Variants in LRP3 observed in about 807,000 individuals in gnomAD.
LRP3 encodes the protein LDL receptor related protein 3.
Under a neutral mutation model 58.5 loss-of-function variants are expected in LRP3, and 49 were observed. That is an observed-to-expected ratio of 0.84 (90% CI 0.67 to 1.06). The LOEUF is 1.06. LRP3 is among the 50% of genes least tolerant of loss of function. The pLI, the probability that LRP3 is intolerant of heterozygous loss-of-function variation, is 0.00. For missense variants in LRP3, 1,019 were observed against 1,134.2 expected (o/e 0.90, Z 1.46); for synonymous variants, 485 against 492.2 (o/e 0.99, Z 0.20).
chr19:33,197,596 C>T (rs1974298826), intron 2 of LRP3, among the ~76,000 whole-genome samples: 1 of 152,190 alleles, frequency 6.6e-6, no homozygotes, highest in Non-Finnish European at 1.5e-5. Context: ...CACCGTGCTC[C>T]AGCCTGGGTG....
Position 33,194,488 on chromosome 19 carries a change from G to A in LRP3, c.-298G>A, listed in dbSNP as rs1974262778. On this transcript the variant is annotated 5_prime_UTR_variant, in exon 1 of 7. Coordinates refer to ENST00000253193, the MANE Select transcript of LRP3 (RefSeq NM_002333.4). Reference sequence around the variant, plus strand: ...GGCCGGCCGCGGCGGGGCTCCCGGGGCGCGGGGGCAGCGGCGGGCGGGGGT... The same window carrying A: ...GGCCGGCCGCGGCGGGGCTCCCGGGACGCGGGGGCAGCGGCGGGCGGGGGT... 6.9e-6 allele frequency: 1 copy of A among 144,650 alleles called. No individual in the cohort carries two copies. The highest frequency in any genetic ancestry group is 2.5e-5 in the African/African-American group (1 of 40,436). 9.0% of individuals were successfully genotyped at this position (144,650 alleles called of 1,614,324 possible).
At position 33,194,784 on chromosome 19, in the gene LRP3, G is replaced by A; in HGVS notation, c.-2G>A. On this transcript the variant is annotated 5_prime_UTR_variant, in exon 1 of 7. Coordinates refer to ENST00000253193, the MANE Select transcript of LRP3 (RefSeq NM_002333.4). ...CGGCGCCCGCGGGCGGCCGGGCCCGGCATGGAGAAGCGCGCGGCCGCGGGG... is the reference window on the plus strand; with the variant it reads ...CGGCGCCCGCGGGCGGCCGGGCCCGACATGGAGAAGCGCGCGGCCGCGGGG... The A allele has an allele frequency of 9.9e-7, 1 of 1,013,712 alleles. No individual in the cohort carries two copies. The highest frequency in any genetic ancestry group is 1.2e-6 in the Non-Finnish European group (1 of 848,900). 62.8% of individuals were successfully genotyped at this position (1,013,712 alleles called of 1,614,324 possible).
intron 1 of LRP3, among the ~76,000 whole-genome samples, chr19:33,195,523 C>T (rs1009996193): frequency 5.3e-5 from 8 of 152,198 alleles, no homozygotes; most frequent in Non-Finnish European, 8.8e-5. Context: ...ATCCCCAACC[C>T]ACATGGCTCC....
chr19:33,204,812 C>T lies in LRP3; in HGVS notation c.435C>T (p.Ser145=), dbSNP rs1386705820. 3.1e-6 allele frequency: 5 copies of T among 1,613,640 alleles called. No individual in the cohort carries two copies. The highest frequency in any genetic ancestry group is 4.2e-6 in the Non-Finnish European group (5 of 1,179,988). ...TTTTCTTCCACTCAGACGCCTCCAG[C>T]TCCGGCCAGGCCCAGGGCTTCCGTC... ...VWIFFHSDAS[S]SGQAQGFRLS... is the part of the protein sequence containing the mutation. Residue 145 remains serine, a synonymous_variant, in exon 4 of 7, where the codon AGC becomes AGT. Coordinates refer to ENST00000253193, the MANE Select transcript of LRP3 (RefSeq NM_002333.4).
Position 33,205,335 on chromosome 19 carries a change from G to T in LRP3, c.565G>T (p.Asp189Tyr), listed in dbSNP as rs1352025442. The change falls in exon 5 of 7, where the codon GAC becomes TAC. Residue 189 changes from aspartate (D) to tyrosine (Y), a missense_variant. Asp to Tyr is a radical substitution (Grantham distance 160). Coordinates refer to ENST00000253193, the MANE Select transcript of LRP3 (RefSeq NM_002333.4). ...LPGPWQCNTV[D>Y]ECGDGSDEGN... ...CGGCCCGTGGCAGTGCAACACGGTG[G>T]ACGAGTGTGGAGACGGCTCTGATGA... is the stretch of plus-strand genomic sequence containing the variant. The T allele has an allele frequency of 6.2e-7, 1 of 1,611,092 alleles. No homozygotes were observed. Among genetic ancestry groups the T allele is most frequent in the African/African-American group, 1.3e-5 (1 of 75,018 alleles).
At chr19:33,198,739 G>A (rs911426887) in intron 2 of LRP3, among the ~76,000 whole-genome samples, 3 of 152,214 alleles carry the variant, frequency 2.0e-5, no homozygotes. Context: ...TCTGGGCTCA[G>A]CCCTGAAGCT....
At chr19:33,196,025 C>T (rs1170567522) in intron 1 of LRP3, among the ~76,000 whole-genome samples, 1 of 152,008 alleles carries the variant, frequency 6.6e-6, no homozygotes, top group Non-Finnish European at 1.5e-5. Context: ...GGCCCGTAAC[C>T]CCCCGGGCCA....
Position 33,206,372 on chromosome 19 carries a change from G to C in LRP3, c.1592+10G>C. 1.2e-6 allele frequency: 2 copies of C among 1,604,254 alleles called. No homozygotes were observed. The highest frequency in any genetic ancestry group is 1.7e-6 in the Non-Finnish European group (2 of 1,179,372). On this transcript the variant is annotated intron_variant, in intron 5 of 6. Coordinates refer to ENST00000253193, the MANE Select transcript of LRP3 (RefSeq NM_002333.4). Reference sequence around the variant, plus strand: ...GCACGCAGGAATACAGGTGGGCGCTGTGCCCGCAGCCAGGGGACCGGGCTT... The same window carrying C: ...GCACGCAGGAATACAGGTGGGCGCTCTGCCCGCAGCCAGGGGACCGGGCTT...
chr19:33,202,797 C>T (rs2303095), intron 2 of LRP3, 51 bp from the exon 3 acceptor site: 30,968 of 1,540,646 alleles, frequency 0.02, 916 homozygotes, highest in East Asian at 0.17. Context: ...CACTGCAACC[C>T]GCATCCCAAC....
Position 33,204,856 on chromosome 19 carries a change from A to G in LRP3, c.475+4A>G. 6.2e-7 allele frequency: 1 copy of G among 1,612,408 alleles called. No individual in the cohort carries two copies. Among genetic ancestry groups the G allele is most frequent in the South Asian group, 1.1e-5 (1 of 91,074 alleles). On this transcript the variant is annotated splice_donor_region_variant and intron_variant, in intron 4 of 6. Coordinates refer to ENST00000253193, the MANE Select transcript of LRP3 (RefSeq NM_002333.4). ...TTCCGTCTGTCTTACATCCGAGGTG[A>G]TGGAGGCTGCAGGGCAGGCAGGACA...
chr19:33,199,048 A>C (rs1037389034), intron 2 of LRP3, among the ~76,000 whole-genome samples: 16 of 152,120 alleles, frequency 1.1e-4, no homozygotes, highest in Non-Finnish European at 1.0e-4. Flanking sequence ...CCGAGGGCCC[A>C]GGCCATCTTC....
chr19:33,206,806 T>A, intron 6 of LRP3, 73 bp downstream of exon 6: 1 of 1,443,056 alleles, frequency 6.9e-7, no homozygotes, highest in Non-Finnish European at 9.2e-7. Context: ...GGTCCAGGGG[T>A]CACAGGAGCA....
chr19:33,202,449 C>T (rs1046606247), intron 2 of LRP3, among the ~76,000 whole-genome samples: 1 of 152,218 alleles, frequency 6.6e-6, no homozygotes, highest in Non-Finnish European at 1.5e-5. Flanking sequence ...AGGGGGCCAT[C>T]GCAGGATGGG....
rs141291110 is a variant in LRP3, at chr19:33,208,529, C to G, written c.*954C>G. ...GGTAGGGAGCGCCTGTGTCAAGCAG[C>G]AAAGCCCCCTAATGTCAAGAGCCTC... On this transcript the variant is annotated 3_prime_UTR_variant, in exon 7 of 7. Transcript: ENST00000253193. The surrounding 1 kb of genome is among the most constrained non-coding windows in gnomAD (Gnocchi z 4.7). The G allele has an allele frequency of 0.013, 4,360 of 340,344 alleles. 42 individuals are homozygous for G. The highest frequency in any genetic ancestry group is 0.022 in the Middle Eastern group (22 of 1,008). 21.1% of individuals were successfully genotyped at this position (340,344 alleles called of 1,614,324 possible).
In LRP3 at chr19:33,206,306, G is replaced by C. The variant is rs1470513879; in HGVS notation, c.1536G>C (p.Leu512=). 6.3e-7 allele frequency: 1 copy of C among 1,598,554 alleles called. No individual in the cohort carries two copies. ...LIGSLVCGLL[L]VIALGCAFKL... is the part of the protein sequence containing the mutation. ...GCAGCCTGGTGTGTGGCCTGCTGCT[G>C]GTCATCGCGCTGGGCTGCGCCTTCA... The change falls in exon 5 of 7, where the codon CTG becomes CTC. Residue 512 remains leucine (L), a synonymous_variant. Coordinates refer to ENST00000253193, the MANE Select transcript of LRP3 (RefSeq NM_002333.4).
chr19:33,206,667 T>A lies in LRP3; in HGVS notation c.1659T>A (p.Tyr553Ter). ...TGCGGCGGGAGGCACCCCCATCCTATGGTCAGCTCATCGCCCAGGGCCTCA... is the reference window on the plus strand; with the variant it reads ...TGCGGCGGGAGGCACCCCCATCCTAAGGTCAGCTCATCGCCCAGGGCCTCA... ...EFVRREAPPS[Y>*]GQLIAQGLIP... Residue 553 changes from tyrosine (Y) to a stop codon, truncating the protein, a stop_gained, in exon 6 of 7, where the codon TAT (tyrosine) becomes TAA (stop). Coordinates refer to ENST00000253193, the MANE Select transcript of LRP3 (RefSeq NM_002333.4). LOFTEE classifies it high-confidence loss of function. 6.3e-7 allele frequency: 1 copy of A among 1,581,612 alleles called. No homozygotes were observed. The highest frequency in any genetic ancestry group is 8.6e-7 in the Non-Finnish European group (1 of 1,164,626).
chr19:33,199,885 G>A (rs925741502), intron 2 of LRP3, among the ~76,000 whole-genome samples: 6 of 152,208 alleles, frequency 3.9e-5, no homozygotes, highest in East Asian at 3.9e-4. Context: ...CCCAGAAAGC[G>A]TGGGTGAGAC....
chr19:33,205,922 C>T lies in LRP3; in HGVS notation c.1152C>T (p.Gly384=). 6.2e-7 allele frequency: 1 copy of T among 1,601,974 alleles called. No individual in the cohort carries two copies. Among genetic ancestry groups the T allele is most frequent in the Non-Finnish European group, 8.5e-7 (1 of 1,174,120 alleles). Reference sequence around the variant, plus strand: ...GGAGCAGTAGTGACAGTGACGGGGGCAGCCTGGGCGACCAGGGCTGCTTCT... The same window carrying T: ...GGAGCAGTAGTGACAGTGACGGGGGTAGCCTGGGCGACCAGGGCTGCTTCT... ...PCGSSSDSDG[G]SLGDQGCFSE... Residue 384 remains glycine (G), a synonymous_variant, in exon 5 of 7, where the codon GGC becomes GGT. Transcript: ENST00000253193.
rs556130307 is a variant in LRP3, at chr19:33,204,626, G to GC, written c.261-5dup. 94 of 1,588,882 alleles carry GC rather than the reference G, an allele frequency of 5.9e-5. No homozygotes were observed. Among genetic ancestry groups the GC allele is most frequent in the Admixed American group, 8.4e-5 (5 of 59,790 alleles). ...ACTGCCTCATGTCTGGGTCCTCTCC[G>GC]CCCCCCCGCAGCTTCCGCAACTTTG... On this transcript the variant is annotated splice_polypyrimidine_tract_variant and intron_variant, in intron 3 of 6. Coordinates refer to ENST00000253193, the MANE Select transcript of LRP3 (RefSeq NM_002333.4).
Sources: allele counts gnomAD v4.1 joint callset (sites outside exome capture counted in the v4.1 genomes callset), GRCh38; gene constraint gnomAD v4.1.1; non-coding constraint Gnocchi (gnomAD v3.1); transcripts MANE v1.5; gene names NCBI Gene and HGNC (gene_info 2026-07-23, HGNC 2026-07-21).